ABCA9: variants seen among roughly 807,000 people sequenced by gnomAD.
ABCA9 encodes ATP binding cassette subfamily A member 9.
Under a neutral mutation model 205.3 loss-of-function variants are expected in ABCA9, and 183 were observed. The observed-to-expected ratio is 0.89, with a 90% CI of 0.79 to 1.01. The LOEUF (loss-of-function observed/expected upper bound fraction) is 1.01. Among genes scored for constraint, ABCA9 ranks in the 50% least tolerant of loss-of-function variants. The pLI, the probability that ABCA9 is intolerant of heterozygous loss-of-function variation, is 0.00. For synonymous variants in ABCA9, 651 were observed against 683.3 expected (o/e 0.95, Z 0.74); for missense variants, 1,805 against 1,912.4 (o/e 0.94, Z 1.05).
chr17:69,043,242 C>T (rs1171513219), intron 6 of ABCA9: 10 of 396,802 alleles, frequency 2.5e-5, no homozygotes, highest in East Asian at 4.5e-5. Context: ...ACTCTAATAA[C>T]GTGGCTATTC....
In ABCA9 at chr17:69,029,146, TAAATA is replaced by T. The variant is rs1178793686; in HGVS notation, c.1504+18_1504+22del. ...CAGCCACTAAATCAAGCAGCCCCAT[TAAATA>T]AAATATTATTTTATTACCTTTCAAA... is the stretch of plus-strand genomic sequence containing the variant. On this transcript the variant is annotated intron_variant, in intron 11 of 38. Transcript: ENST00000340001. 28 of 1,431,910 alleles carry T rather than the reference TAAATA, an allele frequency of 2.0e-5. No individual in the cohort carries two copies. Among genetic ancestry groups the T allele is most frequent in the Non-Finnish European group, 2.4e-5 (25 of 1,043,146 alleles). The allele number at this position is 1,431,910 out of a possible 1,614,324, so 88.7% of individuals were successfully genotyped here.
In ABCA9 at chr17:69,027,620, C is replaced by T; in HGVS notation, c.1791+20G>A. The T allele has an allele frequency of 6.2e-7, 1 of 1,605,814 alleles. No homozygotes were observed. The highest frequency in any genetic ancestry group is 1.1e-5 in the South Asian group (1 of 89,766). ...CCGTCTCTTTTTTATGGCTATGTGA[C>T]ATCTAATATGCTCACATACCTCTTT... On this transcript the variant is annotated intron_variant, in intron 13 of 38. Coordinates refer to ENST00000340001, the MANE Select transcript of ABCA9 (RefSeq NM_080283.4).
At chr17:69,075,431 G>C in the ABCA9 span, among the ~76,000 whole-genome samples, 3 of 152,146 alleles carry the variant, frequency 2.0e-5, no homozygotes, top group Non-Finnish European at 4.4e-5. Flanking sequence ...TATGGTGAAA[G>C]GTGGGGGTCC....
intron 12 of ABCA9, among the ~76,000 whole-genome samples, chr17:69,028,125 T>C (rs2071051176): frequency 6.6e-6 from 1 of 152,216 alleles, no homozygotes; most frequent in African/African-American, 2.4e-5. Flanking sequence ...TTTTCTCTTA[T>C]ATAATGAGTA....
the ABCA9 span, among the ~76,000 whole-genome samples, chr17:69,070,526 A>G: frequency 3.3e-5 from 5 of 152,144 alleles, no homozygotes; most frequent in Admixed American, 6.5e-5. Context: ...GGGAAGCGTG[A>G]GGGACTGTGC....
At chr17:69,063,733 C>T (rs917135280), upstream of ABCA9, among the ~76,000 whole-genome samples, 7 of 152,054 alleles carry the variant, frequency 4.6e-5, no homozygotes, top group Non-Finnish European at 1.0e-4. Context: ...CCACGATGCC[C>T]GGCTAATTTT....
rs200922135 is a variant in ABCA9 at position 68,974,782 on chromosome 17, CAG to C, written c.*1131_*1132del. ...TGCATCATAAGAAAACATATAAAAA[CAG>C]AAATATGTTTCAAACTTGTGTATAA... is the stretch of plus-strand genomic sequence containing the variant. On this transcript the variant is annotated 3_prime_UTR_variant, in exon 39 of 39. Transcript: ENST00000340001. The C allele has an allele frequency of 6.0e-3, 915 of 152,174 alleles. 13 individuals carry two copies. The highest frequency in any genetic ancestry group is 0.02 in the African/African-American group (834 of 41,510). 9.4% of individuals were successfully genotyped at this position (152,174 alleles called of 1,614,324 possible).
rs749652140 is a variant in ABCA9, at chr17:68,975,912, G to A, written c.*3C>T. 90 of 1,606,922 alleles carry A rather than the reference G, an allele frequency of 5.6e-5. No homozygotes were observed. The highest frequency in any genetic ancestry group is 7.3e-5 in the Non-Finnish European group (86 of 1,175,172). On this transcript the variant is annotated 3_prime_UTR_variant, in exon 39 of 39. Coordinates refer to ENST00000340001, the MANE Select transcript of ABCA9 (RefSeq NM_080283.4). ...TAAAGAAAGATATAGGGTATTTGGA[G>A]CTTTAAGGCTCTTCCTGCAGGAGGA... is the stretch of plus-strand genomic sequence containing the variant.
intron 25 of ABCA9, among the ~76,000 whole-genome samples, chr17:69,000,935 G>T (rs1201724770): frequency 1.4e-5 from 2 of 147,340 alleles, no homozygotes; most frequent in Non-Finnish European, 2.9e-5. Context: ...GTCTGTTGTT[G>T]TATAGGAATG....
intron 6 of ABCA9, among the ~76,000 whole-genome samples, chr17:69,037,639 C>T (rs1245362932): frequency 6.6e-6 from 1 of 152,136 alleles, no homozygotes; most frequent in Non-Finnish European, 1.5e-5. Context: ...GATACCCTAA[C>T]ATCACAATTA....
the ABCA9 span, among the ~76,000 whole-genome samples, chr17:69,069,422 G>C: frequency 0.34 from 51,418 of 151,826 alleles, 9,057 homozygotes; most frequent in East Asian, 0.63. Context: ...GGAGGGCAAA[G>C]CCTGTGGGCC....
the ABCA9 span, among the ~76,000 whole-genome samples, chr17:69,068,923 C>T: frequency 6.6e-6 from 1 of 151,934 alleles, no homozygotes; most frequent in African/African-American, 2.4e-5. Context: ...AGCTAAGTTC[C>T]CTAAAAATCT....
At chr17:69,078,915 T>C in the ABCA9 span, 2 of 987,566 alleles carry the variant, frequency 2.0e-6, no homozygotes, top group Non-Finnish European at 3.0e-6. Context: ...ATACTATTAA[T>C]TATTACATAA....
chr17:69,045,383 T>G, intron 3 of ABCA9, 47 bp from the exon 4 acceptor site: 3 of 1,556,530 alleles, frequency 1.9e-6, no homozygotes, highest in East Asian at 2.3e-5. Context: ...AGAAAATCTC[T>G]ACCTGGCCAT....
chr17:69,056,657 C>T (rs2072078282), intron 1 of ABCA9, among the ~76,000 whole-genome samples: 1 of 152,158 alleles, frequency 6.6e-6, no homozygotes, highest in Non-Finnish European at 1.5e-5. Context: ...AAATGAAATA[C>T]AATTCTGAAT....
chr17:69,060,927 TGGA>T (rs1448346509), upstream of ABCA9: 4 of 985,366 alleles, frequency 4.1e-6, no homozygotes, highest in African/African-American at 7.0e-5. Flanking sequence ...CTGCATGTTC[TGGA>T]GGAGAATTCA....
chr17:69,054,584 GAGAA>G (rs1297614894), intron 1 of ABCA9, among the ~76,000 whole-genome samples: 1 of 150,764 alleles, frequency 6.6e-6, no homozygotes, highest in Admixed American at 6.6e-5. Flanking sequence ...AAAAGCATGA[GAGAA>G]AGAAAGAATA....
In ABCA9 at chr17:68,982,621, T is replaced by A; in HGVS notation, c.4661A>T (p.Tyr1554Phe). The change falls in exon 37 of 39, where the codon TAT becomes TTT. Residue 1554 changes from tyrosine to phenylalanine, a missense_variant. By Grantham distance (22) the Tyr-to-Phe change is conservative. Coordinates refer to ENST00000340001, the MANE Select transcript of ABCA9 (RefSeq NM_080283.4). ...QQERFSSLMV[Y>F]KLPVEDVRPL... is the part of the protein sequence containing the mutation. ...TCGCACATCCTCAACAGGCAACTTA[T>A]AGACCATCAGGGAGGAGAACCTGCG... is the stretch of plus-strand genomic sequence containing the variant. 3.1e-6 allele frequency: 5 copies of A among 1,614,032 alleles called. No homozygotes were observed. Among genetic ancestry groups the A allele is most frequent in the Non-Finnish European group, 4.2e-6 (5 of 1,179,912 alleles).
chr17:69,033,499 T>A (rs991245183), intron 9 of ABCA9: 1 of 337,610 alleles, frequency 3.0e-6, no homozygotes, highest in Admixed American at 4.7e-5. Flanking sequence ...AGTATCATCA[T>A]CCATAATCTC....
Sources: allele counts gnomAD v4.1 joint callset (sites outside exome capture counted in the v4.1 genomes callset), GRCh38; gene constraint gnomAD v4.1.1; transcripts MANE v1.5; gene names NCBI Gene and HGNC (gene_info 2026-07-23, HGNC 2026-07-21).